Variants in ATP2C1 observed in about 807,000 individuals in gnomAD.
ATP2C1 encodes calcium-transporting ATPase type 2C member 1.
Under a neutral mutation model 120.5 loss-of-function variants are expected in ATP2C1, and 31 were observed. The observed-to-expected ratio is 0.26, with a 90% CI of 0.19 to 0.35. ATP2C1 has a LOEUF of 0.35. Among genes scored for constraint, ATP2C1 ranks in the 10% least tolerant of loss-of-function variants. The pLI, the probability that ATP2C1 is intolerant of heterozygous loss-of-function variation, is 1.00. For synonymous variants in ATP2C1, 351 were observed against 358.7 expected, an observed-to-expected ratio of 0.98 and a Z score of 0.24; for missense variants, 731 against 1,107.5, an observed-to-expected ratio of 0.66 and a Z score of 4.83.
rs116596942 is a variant in ATP2C1, at chr3:130,881,909, C to T, written c.108+30981C>T. Among the ~76,000 whole-genome samples the T allele has an allele frequency of 4.8e-3, 732 of 152,238 alleles. 8 individuals carry two copies. Among genetic ancestry groups the T allele is most frequent in the African/African-American group, 0.017 (689 of 41,556 alleles). Reference sequence around the variant, plus strand: ...GATTTTTGTATGTTGATTTTGTGTCCTGCAACTTTATTGACTTTATTTACC... The same window carrying T: ...GATTTTTGTATGTTGATTTTGTGTCTTGCAACTTTATTGACTTTATTTACC... On this transcript the variant is annotated intron_variant, in intron 1 of 26. Transcript: ENST00000504381.
intron 2 of ATP2C1, among the ~76,000 whole-genome samples, chr3:130,916,311 G>A (rs1444452249): frequency 6.6e-6 from 1 of 152,002 alleles, no homozygotes; most frequent in East Asian, 1.9e-4. Context: ...AGCTACTTGG[G>A]AGGCTGAGAC....
At chr3:130,908,694 AC>A (rs2058256254) in intron 2 of ATP2C1, among the ~76,000 whole-genome samples, 1 of 151,668 alleles carries the variant, frequency 6.6e-6, no homozygotes, top group African/African-American at 2.4e-5. Context: ...AATTAATACT[AC>A]TCTTTAGGAA....
chr3:130,978,125 C>T (rs61247360), intron 18 of ATP2C1, among the ~76,000 whole-genome samples: 1 of 152,052 alleles, frequency 6.6e-6, no homozygotes, highest in African/African-American at 2.4e-5. Flanking sequence ...TGTCACTGTC[C>T]CCTTCTGTTA....
At chr3:130,862,140 ATTT>A (rs961006271) in intron 1 of ATP2C1, among the ~76,000 whole-genome samples, 2 of 138,264 alleles carry the variant, frequency 1.4e-5, no homozygotes, top group African/African-American at 2.6e-5. Flanking sequence ...TGCCTGGCTA[ATTT>A]TTTTTTTTTT....
In ATP2C1 at chr3:130,998,459, G is replaced by T. The variant is rs189537794; in HGVS notation, c.2487+70G>T. 3.0e-4 allele frequency: 350 copies of T among 1,181,106 alleles called. No homozygotes were observed. The African/African-American group carries it at 4.8e-3, about 16-fold the overall frequency. 73.2% of individuals were successfully genotyped at this position (1,181,106 alleles called of 1,614,324 possible). A position where few individuals can be genotyped will look rare whatever the true frequency, so the allele number is the denominator to read the frequency against. On this transcript the variant is annotated intron_variant, in intron 26 of 27. Transcript: ENST00000510168. Reference sequence around the variant, plus strand: ...GAGTAGAGTGCTTTCTAATAAGTAGGCAAAGATTATGGGTTTTTAGCTTTG... The same window carrying T: ...GAGTAGAGTGCTTTCTAATAAGTAGTCAAAGATTATGGGTTTTTAGCTTTG...
chr3:130,895,245 CATT>C (rs993120504), intron 2 of ATP2C1, among the ~76,000 whole-genome samples: 12 of 152,144 alleles, frequency 7.9e-5, no homozygotes, highest in African/African-American at 2.4e-4. Flanking sequence ...GGAAAAAACT[CATT>C]ATTTTTCAAT....
chr3:130,915,078 A>G (rs2058619264), intron 2 of ATP2C1, among the ~76,000 whole-genome samples: 1 of 150,710 alleles, frequency 6.6e-6, no homozygotes, highest in African/African-American at 2.4e-5. Flanking sequence ...TACTGGGATT[A>G]ATTCATTCTG....
chr3:130,936,331 A>C (rs938310349), intron 5 of ATP2C1, among the ~76,000 whole-genome samples: 7 of 152,202 alleles, frequency 4.6e-5, no homozygotes, highest in African/African-American at 1.7e-4. Context: ...GACATTACAA[A>C]ATCTGAAATG....
intron 8 of ATP2C1, among the ~76,000 whole-genome samples, chr3:130,946,026 A>G (rs995484776): frequency 6.6e-6 from 1 of 152,056 alleles, no homozygotes; most frequent in Non-Finnish European, 1.5e-5. Flanking sequence ...GAATAAGTCC[A>G]TTGACACTTT....
intron 20 of ATP2C1, among the ~76,000 whole-genome samples, chr3:130,986,028 G>C (rs2061993339): frequency 6.6e-6 from 1 of 152,112 alleles, no homozygotes. Flanking sequence ...CAGCATTTGG[G>C]ATTATGGCAT....
At chr3:130,992,818 C>A in intron 20 of ATP2C1, 133 bp from the exon 21 acceptor site, 1 of 721,148 alleles carries the variant, frequency 1.4e-6, no homozygotes. Flanking sequence ...TGTCATATTG[C>A]TTAAGCTTGA....
At chr3:130,856,632 T>C (rs1392991734) in intron 1 of ATP2C1, among the ~76,000 whole-genome samples, 1 of 152,244 alleles carries the variant, frequency 6.6e-6, no homozygotes, top group South Asian at 2.1e-4. Context: ...TGCTTCTCCA[T>C]GTCCCCTTAG....
At chr3:130,858,331 ACTT>A (rs2067910398) in intron 1 of ATP2C1, among the ~76,000 whole-genome samples, 1 of 152,170 alleles carries the variant, frequency 6.6e-6, no homozygotes, top group Non-Finnish European at 1.5e-5. Flanking sequence ...GCTATAGCAC[ACTT>A]CTTCTATGTA....
At chr3:130,919,024 C>T (rs947692565) in intron 2 of ATP2C1, 10 of 461,650 alleles carry the variant, frequency 2.2e-5, no homozygotes, top group East Asian at 6.1e-5. Context: ...AAAGCAGTAG[C>T]GGTGGAAGCT....
rs529537666 is a variant in ATP2C1, at chr3:130,868,200, A to C, written c.108+17272A>C. 436 of 140,044 alleles carry C rather than the reference A, an allele frequency of 3.1e-3. 3 individuals carry two copies. Among genetic ancestry groups the C allele is most frequent in the Non-Finnish European group, 4.7e-3 (307 of 64,986 alleles). 8.7% of individuals were successfully genotyped at this position (140,044 alleles called of 1,614,324 possible). A position where few individuals can be genotyped will look rare whatever the true frequency, so the allele number is the denominator to read the frequency against. On this transcript the variant is annotated intron_variant, in intron 1 of 26. Transcript: ENST00000504381. ...CTCTGCCCGGCCGCCCCTACTGGGAAGTGAGGACCCCTCTGCCCGGCCAGC... is the reference window on the plus strand; with the variant it reads ...CTCTGCCCGGCCGCCCCTACTGGGACGTGAGGACCCCTCTGCCCGGCCAGC...
intron 14 of ATP2C1, among the ~76,000 whole-genome samples, chr3:130,966,709 A>G (rs1253032666): frequency 1.3e-5 from 2 of 152,170 alleles, no homozygotes; most frequent in Admixed American, 6.6e-5. Context: ...AAGTGCTAGC[A>G]TATATCTCAA....
chr3:130,861,489 C>T (rs2068011295), intron 1 of ATP2C1, among the ~76,000 whole-genome samples: 1 of 152,122 alleles, frequency 6.6e-6, no homozygotes, highest in African/African-American at 2.4e-5. Context: ...AAAGCAAATT[C>T]ACCCTTCCTC....
chr3:130,909,129 T>C (rs1476991913), intron 2 of ATP2C1, among the ~76,000 whole-genome samples: 1 of 152,168 alleles, frequency 6.6e-6, no homozygotes, highest in Non-Finnish European at 1.5e-5. Flanking sequence ...AAGGTAACCA[T>C]TTCATAGTAT....
chr3:130,954,681 T>A (rs141787272), intron 9 of ATP2C1, among the ~76,000 whole-genome samples: 1 of 152,100 alleles, frequency 6.6e-6, no homozygotes, highest in African/African-American at 2.4e-5. Context: ...GAGATGGCAT[T>A]TCACCATGTG....
Sources: allele counts gnomAD v4.1 joint callset (sites outside exome capture counted in the v4.1 genomes callset), GRCh38; gene constraint gnomAD v4.1.1; transcripts MANE v1.5; gene names NCBI Gene and HGNC (gene_info 2026-07-23, HGNC 2026-07-21).